RABEP2: variants seen among roughly 807,000 people sequenced by gnomAD.
RABEP2 encodes rab GTPase-binding effector protein 2.
Under a neutral mutation model 74.1 loss-of-function variants are expected in RABEP2, and 57 were observed. The observed-to-expected ratio is 0.77, with a 90% CI of 0.62 to 0.96. RABEP2 has a LOEUF of 0.96. Among genes scored for constraint, RABEP2 ranks in the 40% least tolerant of loss-of-function variants. The probability of loss-of-function intolerance (pLI) is 0.00; values close to 1 mark genes in which losing one functional copy is unlikely to be tolerated. For missense variants in RABEP2, 692 were observed against 756.3 expected (o/e 0.91, Z 1.00); for synonymous variants, 351 against 344.0 (o/e 1.02, Z -0.23).
At chr16:28,915,689 C>T (rs891788987) in intron 3 of RABEP2, among the ~76,000 whole-genome samples, 3 of 149,874 alleles carry the variant, frequency 2.0e-5, no homozygotes, top group African/African-American at 4.9e-5. Flanking sequence ...GGATTACAGG[C>T]GCTCGCCACC....
chr16:28,907,690 T>C lies in RABEP2; in HGVS notation c.1245+919A>G, dbSNP rs528216113. ...CCTTGCTCTCTCGCCAAGGCTAGAG[T>C]GCAGTGGCGCGATCTTGGCTCACTG... On this transcript the variant is annotated intron_variant, in intron 8 of 12. Transcript: ENST00000358201. 4.6e-5 allele frequency among the ~76,000 whole-genome samples: 7 copies of C among 152,278 alleles called. No homozygotes were observed. In the South Asian group the frequency reaches 1.0e-3, roughly 23 times the overall value.
intron 2 of RABEP2, 30 bp downstream of exon 2, chr16:28,924,373 T>G (rs2152224623): frequency 6.3e-7 from 1 of 1,594,822 alleles, no homozygotes; most frequent in East Asian, 2.2e-5. Context: ...ATGGGGTTGA[T>G]GGGGAGTCTA....
At chr16:28,922,608 C>T (rs975304767) in intron 2 of RABEP2, among the ~76,000 whole-genome samples, 2 of 152,020 alleles carry the variant, frequency 1.3e-5, no homozygotes, top group South Asian at 2.1e-4. Context: ...ACCTGTAGTC[C>T]CAGCTGGTTG....
At chr16:28,923,952 G>A (rs1324568810) in intron 2 of RABEP2, 3 of 179,540 alleles carry the variant, frequency 1.7e-5, no homozygotes, top group Non-Finnish European at 2.4e-5. Flanking sequence ...TGGGGCGGAG[G>A]TGGGGAAGCT....
At chr16:28,912,846 T>C (rs1188526142) in intron 5 of RABEP2, among the ~76,000 whole-genome samples, 1 of 152,122 alleles carries the variant, frequency 6.6e-6, no homozygotes, top group Non-Finnish European at 1.5e-5. Flanking sequence ...CTGCCTTTCT[T>C]TCTGGTCTCC....
At chr16:28,917,985 G>A (rs954107413) in intron 3 of RABEP2, 3 of 151,412 alleles carry the variant, frequency 2.0e-5, no homozygotes, top group African/African-American at 4.9e-5. Flanking sequence ...GTCTGCTATA[G>A]GATCAAATGA....
rs766889506 is a variant in RABEP2, at chr16:28,924,429, A to G, written c.248T>C (p.Val83Ala). Residue 83 changes from valine (V) to alanine (A), a missense_variant, in exon 2 of 13, where the codon GTG becomes GCG. Val to Ala is a moderately conservative substitution (Grantham distance 64). Coordinates refer to ENST00000358201, the MANE Select transcript of RABEP2 (RefSeq NM_024816.3). The stretch of plus-strand genomic sequence containing the variant: ...TTTCAGGATGGCCTGCAGCGAGGCC[A>G]CCTCCTCTTGGCACTGCCGCTGCAC... ...AAVQRQCQEE[V>A]ASLQAILKDS... 6.2e-7 allele frequency: 1 copy of G among 1,613,048 alleles called. No homozygotes were observed. Among genetic ancestry groups the G allele is most frequent in the Admixed American group, 1.7e-5 (1 of 59,982 alleles).
At chr16:28,923,854 A>T (rs1461121069) in intron 2 of RABEP2, among the ~76,000 whole-genome samples, 1 of 151,784 alleles carries the variant, frequency 6.6e-6, no homozygotes, top group Non-Finnish European at 1.5e-5. Flanking sequence ...TCTGTTTCAG[A>T]GTCTCTGGCT....
At chr16:28,911,205 G>A in intron 5 of RABEP2, 26 bp from the exon 6 acceptor site, 2 of 1,598,860 alleles carry the variant, frequency 1.3e-6, no homozygotes, top group South Asian at 1.1e-5. Context: ...CCTTCAGCCT[G>A]CATCTCCCAG....
In RABEP2 at chr16:28,904,738, C is replaced by A; in HGVS notation, c.*205G>T. 3.1e-6 allele frequency: 2 copies of A among 642,544 alleles called. No homozygotes were observed. Among genetic ancestry groups the A allele is most frequent in the South Asian group, 3.9e-5 (2 of 50,998 alleles). 39.8% of individuals were successfully genotyped at this position (642,544 alleles called of 1,614,324 possible). On this transcript the variant is annotated 3_prime_UTR_variant, in exon 13 of 13. Transcript: ENST00000358201. The stretch of plus-strand genomic sequence containing the variant: ...TTCCGGGAGGGGCTTGGGCCCCTCA[C>A]CCAGGTGTGATCCCTGAGAACAGGA...
At chr16:28,912,640 T>C (rs1964330774) in intron 5 of RABEP2, among the ~76,000 whole-genome samples, 1 of 152,164 alleles carries the variant, frequency 6.6e-6, no homozygotes, top group South Asian at 2.1e-4. Flanking sequence ...CTCAAACTCC[T>C]GGGCTCCAGC....
intron 5 of RABEP2, among the ~76,000 whole-genome samples, chr16:28,911,480 G>A (rs995027260): frequency 1.6e-4 from 24 of 152,010 alleles, no homozygotes; most frequent in Non-Finnish European, 2.9e-4. Flanking sequence ...TGGCCAACAT[G>A]GTAAAACCCT....
Position 28,919,782 on chromosome 16 carries a change from C to T in RABEP2, c.432+4G>A. The T allele has an allele frequency of 6.2e-7, 1 of 1,602,966 alleles. No individual in the cohort carries two copies. The highest frequency in any genetic ancestry group is 8.5e-7 in the Non-Finnish European group (1 of 1,172,632). On this transcript the variant is annotated splice_donor_region_variant and intron_variant, in intron 3 of 12. Coordinates refer to ENST00000358201, the MANE Select transcript of RABEP2 (RefSeq NM_024816.3). ...GGCAGCAGGGAAGCCATCCCAATCC[C>T]AACCTTTTCCATCTGCTTCTCCAGG... is the stretch of plus-strand genomic sequence containing the variant.
chr16:28,915,037 C>T (rs988087836), intron 3 of RABEP2, among the ~76,000 whole-genome samples: 1 of 148,798 alleles, frequency 6.7e-6, no homozygotes, highest in East Asian at 2.0e-4. Context: ...TCTCCAACAT[C>T]CATTTTTTTC....
chr16:28,916,941 A>C (rs1964404202), intron 3 of RABEP2, among the ~76,000 whole-genome samples: 1 of 150,684 alleles, frequency 6.6e-6, no homozygotes, highest in Non-Finnish European at 1.5e-5. Context: ...ATGAGCTGAG[A>C]TGGCACCACT....
chr16:28,907,637 A>ATAT (rs771038250), intron 8 of RABEP2, among the ~76,000 whole-genome samples: 2 of 151,672 alleles, frequency 1.3e-5, no homozygotes, highest in African/African-American at 2.4e-5. Flanking sequence ...TTAATAAGCC[A>ATAT]TATTATTATT....
In RABEP2 at chr16:28,908,605, T is replaced by C. The variant is rs778550811; in HGVS notation, c.1245+4A>G. On this transcript the variant is annotated splice_donor_region_variant and intron_variant, in intron 8 of 12. Coordinates refer to ENST00000358201, the MANE Select transcript of RABEP2 (RefSeq NM_024816.3). ...CAGGCTCTCAGTGCCCACACTCAGC[T>C]TACTGGCACAGAGCTGGGCAGTGAT... is the stretch of plus-strand genomic sequence containing the variant. 2.5e-6 allele frequency: 4 copies of C among 1,606,160 alleles called. No individual in the cohort carries two copies. The East Asian group carries it at 8.9e-5, about 36-fold the overall frequency.
chr16:28,916,987 CAA>C (rs568583339), intron 3 of RABEP2, among the ~76,000 whole-genome samples: 90 of 92,220 alleles, frequency 9.8e-4, no homozygotes, highest in East Asian at 9.1e-4. Context: ...GACTCCATCT[CAA>C]AAAAAAAAAA....
chr16:28,918,423 G>T (rs1964425110), intron 3 of RABEP2, among the ~76,000 whole-genome samples: 1 of 152,068 alleles, frequency 6.6e-6, no homozygotes, highest in Non-Finnish European at 1.5e-5. Context: ...GACCAGCCTG[G>T]CCAACACGGT....
Sources: allele counts gnomAD v4.1 joint callset (sites outside exome capture counted in the v4.1 genomes callset), GRCh38; gene constraint gnomAD v4.1.1; transcripts MANE v1.5; gene names NCBI Gene and HGNC (gene_info 2026-07-23, HGNC 2026-07-21).